PDXK: variants seen among roughly 807,000 people sequenced by gnomAD.
The protein encoded by PDXK is pyridoxal kinase.
Under a neutral mutation model 43.2 loss-of-function variants are expected in PDXK, and 15 were observed. The observed-to-expected ratio is 0.35, with a 90% CI of 0.23 to 0.53. The LOEUF (loss-of-function observed/expected upper bound fraction) is 0.53. PDXK is among the 20% of genes least tolerant of loss of function. The probability of loss-of-function intolerance (pLI) is 0.92; values close to 1 mark genes in which losing one functional copy is unlikely to be tolerated. For synonymous variants in PDXK, 172 were observed against 165.4 expected, an observed-to-expected ratio of 1.04 and a Z score of -0.31; for missense variants, 343 against 417.0, an observed-to-expected ratio of 0.82 and a Z score of 1.54.
chr21:43,755,646 C>G (rs201633974), intron 9 of PDXK, 52 bp from the exon 10 acceptor site: 24 of 1,405,632 alleles, frequency 1.7e-5, no homozygotes, highest in Admixed American at 3.3e-5. Context: ...GCAGTGGGCA[C>G]GTCGGGTGTT....
intron 8 of PDXK, 65 bp from the exon 9 acceptor site, chr21:43,753,518 A>G: frequency 6.5e-7 from 1 of 1,543,784 alleles, no homozygotes; most frequent in Non-Finnish European, 8.8e-7. Context: ...AGGATCAGGG[A>G]TGGGAGGCTG....
intron 2 of PDXK, among the ~76,000 whole-genome samples, chr21:43,736,300 C>T (rs974205072): frequency 6.6e-6 from 1 of 152,318 alleles, no homozygotes; most frequent in Non-Finnish European, 1.5e-5. Flanking sequence ...CACCCTTGTT[C>T]CAGGGCTGCG....
chr21:43,753,467 T>C lies in PDXK; in HGVS notation c.623-116T>C, dbSNP rs116713736. On this transcript the variant is annotated intron_variant, in intron 8 of 10. Transcript: ENST00000291565. Reference sequence around the variant, plus strand: ...CCCCACGTCCTGAGCAAGGCCACCTTGTGCTCTGCCCCTGTGACCCTCCCT... The same window carrying C: ...CCCCACGTCCTGAGCAAGGCCACCTCGTGCTCTGCCCCTGTGACCCTCCCT... 736 of 1,045,716 alleles carry C rather than the reference T, an allele frequency of 7.0e-4. 5 individuals are homozygous for C. The African/African-American group carries it at 0.011, about 16-fold the overall frequency. 64.8% of individuals were successfully genotyped at this position (1,045,716 alleles called of 1,614,324 possible). A position where few individuals can be genotyped will look rare whatever the true frequency, so the allele number is the denominator to read the frequency against.
chr21:43,753,757 C>A, intron 9 of PDXK, 38 bp downstream of exon 9: 4 of 1,577,758 alleles, frequency 2.5e-6, no homozygotes, highest in Admixed American at 1.7e-5. Flanking sequence ...CGCCCACTCC[C>A]ACGGCACCTC....
Position 43,732,245 on chromosome 21 carries a change from C to G in PDXK, c.88-1824C>G. ...ATGGTCCGGCACAGAGCGCTGGCTTCCAGCTGAAGGACATGTGTAACAGCA... is the reference window on the plus strand; with the variant it reads ...ATGGTCCGGCACAGAGCGCTGGCTTGCAGCTGAAGGACATGTGTAACAGCA... On this transcript the variant is annotated intron_variant, in intron 1 of 10. Transcript: ENST00000291565. This position sits in a 1 kb window ranked among gnomAD's most constrained non-coding sequence, Gnocchi z 4.1. 1 of 1,473,526 alleles carries G rather than the reference C, an allele frequency of 6.8e-7. No individual in the cohort carries two copies. Among genetic ancestry groups the G allele is most frequent in the Non-Finnish European group, 9.0e-7 (1 of 1,117,232 alleles). 91.3% of individuals were successfully genotyped at this position (1,473,526 alleles called of 1,614,324 possible).
chr21:43,730,208 C>G (rs963314086), intron 1 of PDXK, among the ~76,000 whole-genome samples: 1 of 152,080 alleles, frequency 6.6e-6, no homozygotes, highest in African/African-American at 2.4e-5. Context: ...TCACTGCAAC[C>G]TCCGCCTCCC....
intron 4 of PDXK, chr21:43,745,759 G>C (rs377285481): frequency 7.7e-5 from 25 of 325,334 alleles, no homozygotes; most frequent in African/African-American, 4.5e-4. Context: ...CACTTTGGGA[G>C]GCCAAGGTGA....
At chr21:43,739,765 G>C (rs1473321045) in intron 2 of PDXK, among the ~76,000 whole-genome samples, 1 of 151,776 alleles carries the variant, frequency 6.6e-6, no homozygotes, top group Non-Finnish European at 1.5e-5. Flanking sequence ...ACACAGCCAG[G>C]CCATGTCACC....
rs2083375165 is a variant in PDXK at position 43,734,699 on chromosome 21, G to A, written c.142+576G>A. ...GGACTTTGCTGGCTCAGGGGACTGA[G>A]GGTGGCCGGCCTCAGAAGCCCCTCA... On this transcript the variant is annotated intron_variant, in intron 2 of 10. Transcript: ENST00000291565. This position sits in a 1 kb window ranked among gnomAD's most constrained non-coding sequence, Gnocchi z 5.0. Among the ~76,000 whole-genome samples the A allele has an allele frequency of 6.6e-6, 1 of 152,146 alleles. No individual in the cohort carries two copies. The highest frequency in any genetic ancestry group is 2.1e-4 in the South Asian group (1 of 4,818).
intron 2 of PDXK, among the ~76,000 whole-genome samples, chr21:43,739,950 C>T (rs1003973555): frequency 1.8e-4 from 27 of 151,854 alleles, no homozygotes; most frequent in Non-Finnish European, 2.8e-4. Context: ...CACCCTCCAC[C>T]GGAGGGGCAG....
intron 4 of PDXK, chr21:43,745,673 C>T: frequency 5.5e-6 from 1 of 182,696 alleles, no homozygotes; most frequent in Non-Finnish European, 1.2e-5. Flanking sequence ...GGGAAGATAC[C>T]TACTTCAACT....
Position 43,732,458 on chromosome 21 carries a change from A to C in PDXK, c.88-1611A>C. 1.2e-6 allele frequency: 2 copies of C among 1,610,976 alleles called. No individual in the cohort carries two copies. Among genetic ancestry groups the C allele is most frequent in the Non-Finnish European group, 1.7e-6 (2 of 1,178,180 alleles). ...TTTTGATGGGGTGTGTGAAACGGAG[A>C]TGCCAGCCCAGGGGCTCAGCTTGCT... On this transcript the variant is annotated intron_variant, in intron 1 of 10. Coordinates refer to ENST00000291565, the MANE Select transcript of PDXK (RefSeq NM_003681.5). This position sits in a 1 kb window ranked among gnomAD's most constrained non-coding sequence, Gnocchi z 4.1.
At chr21:43,747,537 C>T (rs1268240823) in intron 5 of PDXK, among the ~76,000 whole-genome samples, 3 of 152,242 alleles carry the variant, frequency 2.0e-5, no homozygotes, top group East Asian at 3.8e-4. Flanking sequence ...GTGTGCTCAG[C>T]GTCTGTCTGT....
chr21:43,753,620 G>T lies in PDXK; in HGVS notation c.660G>T (p.Arg220=), dbSNP rs765292715. Residue 220 remains arginine, a synonymous_variant, in exon 9 of 11, where the codon CGG becomes CGT. Coordinates refer to ENST00000291565, the MANE Select transcript of PDXK (RefSeq NM_003681.5). ...GCTCCGTGGTGATGGAACGCATCCG[G>T]ATGGACATTCGCAAAGTGGACGCCG... The part of the protein sequence containing the change: ...PAGSVVMERI[R]MDIRKVDAVF... 3 of 1,613,648 alleles carry T rather than the reference G, an allele frequency of 1.9e-6. No homozygotes were observed. The highest frequency in any genetic ancestry group is 2.5e-6 in the Non-Finnish European group (3 of 1,179,708).
intron 1 of PDXK, among the ~76,000 whole-genome samples, chr21:43,728,014 G>C (rs1445033758): frequency 6.6e-6 from 1 of 152,216 alleles, no homozygotes; most frequent in Non-Finnish European, 1.5e-5. Context: ...CTGCCCAGCT[G>C]GTGCACGGTC....
At chr21:43,733,785 G>C (rs2083358981) in intron 1 of PDXK, 5 of 808,904 alleles carry the variant, frequency 6.2e-6, no homozygotes, top group Non-Finnish European at 9.2e-6. Context: ...TGCGTGAAGT[G>C]CTTCCCCATG....
At chr21:43,752,657 C>A in intron 8 of PDXK, 28 bp downstream of exon 8, 1 of 1,330,536 alleles carries the variant, frequency 7.5e-7, no homozygotes, top group Non-Finnish European at 1.1e-6. Flanking sequence ...GCACCGTGGC[C>A]GCCTCTGCTC....
At position 43,741,651 on chromosome 21, in the gene PDXK, C is replaced by G; in HGVS notation, c.143-16C>G. ...CCCCCTTGTGTCTGAGCCCCCATGG[C>G]TTCCTCTGCCTCTAGGCTATGCCCA... On this transcript the variant is annotated splice_polypyrimidine_tract_variant and intron_variant, in intron 2 of 10. Coordinates refer to ENST00000291565, the MANE Select transcript of PDXK (RefSeq NM_003681.5). 1 of 1,607,358 alleles carries G rather than the reference C, an allele frequency of 6.2e-7. No homozygotes were observed. The highest frequency in any genetic ancestry group is 2.2e-5 in the East Asian group (1 of 44,830).
chr21:43,746,031 C>G, intron 4 of PDXK, 48 bp from the exon 5 acceptor site: 4 of 1,450,506 alleles, frequency 2.8e-6, no homozygotes, highest in Non-Finnish European at 3.9e-6. Flanking sequence ...GGGTTTCTTA[C>G]TCGTCAGCTG....
Sources: allele counts gnomAD v4.1 joint callset (sites outside exome capture counted in the v4.1 genomes callset), GRCh38; gene constraint gnomAD v4.1.1; non-coding constraint Gnocchi (gnomAD v3.1); transcripts MANE v1.5; gene names NCBI Gene and HGNC (gene_info 2026-07-23, HGNC 2026-07-21).